The following GRM7 variants were observed in gnomAD, a reference collection of about 807,000 sequenced individuals.
GRM7 encodes metabotropic glutamate receptor 7.
Under a neutral mutation model 84.5 loss-of-function variants are expected in GRM7, and 35 were observed. The ratio of observed to expected loss-of-function variants is 0.41; its 90% CI spans 0.32 to 0.55. The LOEUF is 0.55. Among genes scored for constraint, GRM7 ranks in the 20% least tolerant of loss-of-function variants. The pLI, the probability that GRM7 is intolerant of heterozygous loss-of-function variation, is 0.19. For synonymous variants in GRM7, 487 were observed against 455.1 expected, an observed-to-expected ratio of 1.07 and a Z score of -0.89; for missense variants, 1,003 against 1,194.6, an observed-to-expected ratio of 0.84 and a Z score of 2.36.
At chr3:7,705,287 T>A (rs1701350776) in intron 9 of GRM7, among the ~76,000 whole-genome samples, 1 of 152,190 alleles carries the variant, frequency 6.6e-6, no homozygotes, top group Non-Finnish European at 1.5e-5. Flanking sequence ...CAATGTTTAC[T>A]CTACAATTAC....
chr3:6,888,115 T>C (rs1041490282), intron 1 of GRM7, among the ~76,000 whole-genome samples: 2 of 152,174 alleles, frequency 1.3e-5, no homozygotes, highest in Admixed American at 6.5e-5. Flanking sequence ...GAGTTCATTG[T>C]AGATTCTGGA....
intron 2 of GRM7, among the ~76,000 whole-genome samples, chr3:7,226,644 C>T (rs1164253495): frequency 6.6e-6 from 1 of 152,068 alleles, no homozygotes; most frequent in Non-Finnish European, 1.5e-5. Context: ...ACTTACAGGG[C>T]CACCTTAGGT....
At chr3:7,348,352 A>G (rs556409818) in intron 4 of GRM7, among the ~76,000 whole-genome samples, 1 of 151,914 alleles carries the variant, frequency 6.6e-6, no homozygotes, top group Non-Finnish European at 1.5e-5. Context: ...GTCACATCTC[A>G]TTTACTCCTT....
chr3:7,156,302 T>C (rs982288003), intron 2 of GRM7, among the ~76,000 whole-genome samples: 1 of 152,224 alleles, frequency 6.6e-6, no homozygotes, highest in African/African-American at 2.4e-5. Flanking sequence ...TTTCTTTATA[T>C]TGCACTATTT....
At chr3:7,114,036 T>C (rs73117012) in intron 1 of GRM7, among the ~76,000 whole-genome samples, 55 of 152,318 alleles carry the variant, frequency 3.6e-4, no homozygotes, top group East Asian at 1.4e-3. Flanking sequence ...ACAGCTACTA[T>C]GCATATTGCC....
chr3:7,003,768 C>A (rs1499161), intron 1 of GRM7, among the ~76,000 whole-genome samples: 65,041 of 152,010 alleles, frequency 0.43, 16,011 homozygotes, highest in East Asian at 0.54. Flanking sequence ...TATGAAGTTC[C>A]CCTTAAATGT....
intron 1 of GRM7, among the ~76,000 whole-genome samples, chr3:7,067,174 A>G (rs1697696716): frequency 6.6e-6 from 1 of 152,026 alleles, no homozygotes; most frequent in Non-Finnish European, 1.5e-5. Flanking sequence ...TAGCCATAGC[A>G]ATCAGACAAG....
chr3:7,200,964 ATTTTTTTT>A (rs71625339), intron 2 of GRM7, among the ~76,000 whole-genome samples: 13 of 98,162 alleles, frequency 1.3e-4, no homozygotes, highest in African/African-American at 5.6e-4. Context: ...ACATTTCAGA[ATTTTTTTT>A]TTTTTTTTTT....
intron 1 of GRM7, among the ~76,000 whole-genome samples, chr3:7,078,154 G>T (rs1472902118): frequency 6.6e-6 from 1 of 152,134 alleles, no homozygotes; most frequent in African/African-American, 2.4e-5. Flanking sequence ...ATGAATTCTG[G>T]TATTGATATC....
At chr3:7,643,728 A>G (rs79446627) in intron 8 of GRM7, among the ~76,000 whole-genome samples, 1 of 152,134 alleles carries the variant, frequency 6.6e-6, no homozygotes, top group Non-Finnish European at 1.5e-5. Flanking sequence ...CAAGCATCCA[A>G]ATAAGAGGTT....
chr3:7,350,495 G>A (rs549025814), intron 4 of GRM7, among the ~76,000 whole-genome samples: 2 of 152,132 alleles, frequency 1.3e-5, no homozygotes, highest in East Asian at 1.9e-4. Flanking sequence ...CTCCATGATT[G>A]CAAGTTTCCT....
chr3:7,534,993 CT>C (rs1701188270), intron 7 of GRM7, among the ~76,000 whole-genome samples: 1 of 152,130 alleles, frequency 6.6e-6, no homozygotes, highest in South Asian at 2.1e-4. Flanking sequence ...TCTTGTTTTG[CT>C]ATGTGTCCTT....
intron 2 of GRM7, among the ~76,000 whole-genome samples, chr3:7,189,721 C>T (rs914373206): frequency 2.0e-5 from 3 of 151,990 alleles, no homozygotes; most frequent in Non-Finnish European, 2.9e-5. Context: ...TACCTATAAG[C>T]AAGGAGAAAC....
chr3:7,121,356 TCCA>T (rs1254825759), intron 1 of GRM7, among the ~76,000 whole-genome samples: 2 of 151,858 alleles, frequency 1.3e-5, no homozygotes, highest in Non-Finnish European at 2.9e-5. Flanking sequence ...CATCCATCCA[TCCA>T]TCCATCCATC....
intron 2 of GRM7, among the ~76,000 whole-genome samples, chr3:7,155,205 A>T (rs759624438): frequency 2.1e-4 from 32 of 152,216 alleles, no homozygotes; most frequent in Non-Finnish European, 3.8e-4. Flanking sequence ...GCACTTGCCT[A>T]TGTTTGGCTT....
At chr3:6,884,783 A>T (rs989480387) in intron 1 of GRM7, among the ~76,000 whole-genome samples, 3 of 152,066 alleles carry the variant, frequency 2.0e-5, no homozygotes, top group African/African-American at 7.2e-5. Flanking sequence ...TATTTTAAGT[A>T]GAGACAGGGT....
At chr3:7,008,851 C>G (rs1695271470) in intron 1 of GRM7, among the ~76,000 whole-genome samples, 1 of 152,124 alleles carries the variant, frequency 6.6e-6, no homozygotes, top group Non-Finnish European at 1.5e-5. Context: ...GACTCGAATT[C>G]TGTTCGTACT....
intron 4 of GRM7, among the ~76,000 whole-genome samples, chr3:7,345,418 T>C (rs1376528010): frequency 6.6e-6 from 1 of 151,982 alleles, no homozygotes; most frequent in Non-Finnish European, 1.5e-5. Context: ...TAGCTGGGAT[T>C]ACAGGCACCC....
intron 2 of GRM7, among the ~76,000 whole-genome samples, chr3:7,175,229 G>T (rs1175124494): frequency 1.3e-5 from 2 of 152,236 alleles, no homozygotes; most frequent in African/African-American, 2.4e-5. Context: ...CTGCAATGCA[G>T]CCAGCAGCTG....
Sources: allele counts gnomAD v4.1 joint callset (sites outside exome capture counted in the v4.1 genomes callset), GRCh38; gene constraint gnomAD v4.1.1; transcripts MANE v1.5; gene names NCBI Gene and HGNC (gene_info 2026-07-23, HGNC 2026-07-21).